The following AP3S1 variants were observed in gnomAD, a reference collection of about 807,000 sequenced individuals.
AP3S1 encodes the protein AP-3 complex subunit sigma-1.
Under a neutral mutation model 21.3 loss-of-function variants are expected in AP3S1, and 12 were observed. That is an observed-to-expected ratio of 0.56 (90% CI 0.36 to 0.91). The LOEUF (loss-of-function observed/expected upper bound fraction) is 0.91. AP3S1 is among the 40% of genes least tolerant of loss of function. The pLI is 0.01. For missense variants in AP3S1, 116 were observed against 225.0 expected (o/e 0.52, Z 3.10); for synonymous variants, 48 against 78.4 (o/e 0.61, Z 2.05).
chr5:115,898,074 G>A (rs542816876), intron 4 of AP3S1, among the ~76,000 whole-genome samples: 1 of 152,338 alleles, frequency 6.6e-6, no homozygotes, highest in African/African-American at 2.4e-5. Context: ...CACGCAGTAT[G>A]TTTATCATAT....
chr5:115,900,605 T>C (rs1178231483), intron 4 of AP3S1, among the ~76,000 whole-genome samples: 1 of 152,194 alleles, frequency 6.6e-6, no homozygotes, highest in Non-Finnish European at 1.5e-5. Context: ...AAGTTGCTCA[T>C]TGTTTTATGG....
In AP3S1 at chr5:115,913,347, T is replaced by G. The variant is rs1752246949; in HGVS notation, c.454-15T>G. 1 of 872,068 alleles carries G rather than the reference T, an allele frequency of 1.1e-6. No homozygotes were observed. The allele number at this position is 872,068 out of a possible 1,614,324, so 54.0% of individuals were successfully genotyped here. A position where few individuals can be genotyped will look rare whatever the true frequency, so the allele number is the denominator to read the frequency against. ...TTGTACATTTTCTTTTTCTTTTATTTGCTTCTGTATACAGGCTGGCTTAGC... is the reference window on the plus strand; with the variant it reads ...TTGTACATTTTCTTTTTCTTTTATTGGCTTCTGTATACAGGCTGGCTTAGC... On this transcript the variant is annotated splice_polypyrimidine_tract_variant and intron_variant, in intron 5 of 5. Transcript: ENST00000316788.
chr5:115,849,156 G>T (rs572172362), intron 1 of AP3S1, among the ~76,000 whole-genome samples: 2 of 152,286 alleles, frequency 1.3e-5, no homozygotes, highest in South Asian at 2.1e-4. Context: ...TAAGTAAGAC[G>T]GATGTCACCC....
intron 1 of AP3S1, among the ~76,000 whole-genome samples, chr5:115,851,890 TA>T (rs769672451): frequency 2.0e-5 from 3 of 152,068 alleles, no homozygotes; most frequent in Non-Finnish European, 2.9e-5. Flanking sequence ...ACCCAGAAAA[TA>T]TTTTTTTAAT....
At chr5:115,893,489 A>G (rs748634521) in intron 3 of AP3S1, among the ~76,000 whole-genome samples, 1 of 152,210 alleles carries the variant, frequency 6.6e-6, no homozygotes, top group Non-Finnish European at 1.5e-5. Flanking sequence ...ATAGTAAACT[A>G]TTAGTAGATT....
intron 2 of AP3S1, 74 bp downstream of exon 2, chr5:115,866,835 T>C (rs1480033485): frequency 1.1e-6 from 1 of 928,670 alleles, no homozygotes. Context: ...AATCAGTTTA[T>C]GGTAAAAGTT....
intron 1 of AP3S1, among the ~76,000 whole-genome samples, chr5:115,848,963 C>A (rs534919016): frequency 1.3e-5 from 2 of 152,302 alleles, no homozygotes; most frequent in African/African-American, 4.8e-5. Flanking sequence ...GTGGAGGAAG[C>A]CCTTGTAGAG....
intron 1 of AP3S1, among the ~76,000 whole-genome samples, chr5:115,861,700 A>G (rs1055960906): frequency 2.0e-5 from 3 of 151,692 alleles, no homozygotes; most frequent in Admixed American, 2.0e-4. Flanking sequence ...GACTACAGAC[A>G]TGCACTACCA....
At chr5:115,859,608 T>C (rs1462981464) in intron 1 of AP3S1, among the ~76,000 whole-genome samples, 2 of 152,234 alleles carry the variant, frequency 1.3e-5, no homozygotes, top group Non-Finnish European at 2.9e-5. Context: ...CTGTAACTAC[T>C]AGCCACATTC....
intron 3 of AP3S1, among the ~76,000 whole-genome samples, chr5:115,892,139 C>T (rs917790787): frequency 2.6e-5 from 4 of 152,118 alleles, no homozygotes; most frequent in African/African-American, 9.7e-5. Context: ...GTTAAAATGG[C>T]TTATTTGCAA....
At chr5:115,863,786 T>C (rs1309135293) in intron 1 of AP3S1, among the ~76,000 whole-genome samples, 1 of 152,094 alleles carries the variant, frequency 6.6e-6, no homozygotes, top group African/African-American at 2.4e-5. Flanking sequence ...ATAAGGAAGG[T>C]AAAGGATCTA....
intron 1 of AP3S1, among the ~76,000 whole-genome samples, chr5:115,861,564 A>T (rs1046994477): frequency 7.9e-5 from 12 of 151,976 alleles, no homozygotes; most frequent in East Asian, 7.7e-4. Flanking sequence ...TATTAAAAAA[A>T]TTTTTTTTGA....
intron 1 of AP3S1, among the ~76,000 whole-genome samples, chr5:115,857,731 G>A (rs906788704): frequency 6.6e-6 from 1 of 152,102 alleles, no homozygotes; most frequent in Non-Finnish European, 1.5e-5. Flanking sequence ...GATTTATTCT[G>A]CTATTAAAAA....
At chr5:115,890,251 C>T (rs1207521502) in intron 3 of AP3S1, among the ~76,000 whole-genome samples, 1 of 152,110 alleles carries the variant, frequency 6.6e-6, no homozygotes, top group Non-Finnish European at 1.5e-5. Flanking sequence ...CTGGAAACAA[C>T]ACAAATTTAT....
chr5:115,913,710 T>C lies in AP3S1; in HGVS notation c.*220T>C, dbSNP rs1209794118. The C allele has an allele frequency of 1.3e-6, 1 of 786,084 alleles. No homozygotes were observed. Among genetic ancestry groups the C allele is most frequent in the Non-Finnish European group, 1.9e-6 (1 of 531,482 alleles). 48.7% of individuals were successfully genotyped at this position (786,084 alleles called of 1,614,324 possible). A position where few individuals can be genotyped will look rare whatever the true frequency, so the allele number is the denominator to read the frequency against. ...AATTGAGTAGTTCCTATGTGATTTT[T>C]TTTTTTCTTTTCTAAACTGCATTCC... On this transcript the variant is annotated 3_prime_UTR_variant, in exon 6 of 6. Transcript: ENST00000316788.
chr5:115,882,210 C>T (rs759513153), intron 3 of AP3S1, among the ~76,000 whole-genome samples: 1 of 152,090 alleles, frequency 6.6e-6, no homozygotes, highest in Admixed American at 6.6e-5. Context: ...GTCAATTCAT[C>T]AAACTCATTC....
intron 3 of AP3S1, among the ~76,000 whole-genome samples, chr5:115,877,278 C>T (rs1748808353): frequency 6.6e-6 from 1 of 151,996 alleles, no homozygotes. Context: ...TGGTGGTTTC[C>T]TGCACCCATC....
At chr5:115,866,329 G>C (rs1249634583) in intron 1 of AP3S1, among the ~76,000 whole-genome samples, 1 of 152,048 alleles carries the variant, frequency 6.6e-6, no homozygotes, top group Non-Finnish European at 1.5e-5. Context: ...TTCTGATTCA[G>C]TTTACTCATT....
intron 2 of AP3S1, among the ~76,000 whole-genome samples, chr5:115,867,171 T>G (rs1454690770): frequency 2.6e-5 from 4 of 152,162 alleles, no homozygotes; most frequent in African/African-American, 9.7e-5. Flanking sequence ...ATTTATGAGA[T>G]CACACTTTGT....
Sources: allele counts gnomAD v4.1 joint callset (sites outside exome capture counted in the v4.1 genomes callset), GRCh38; gene constraint gnomAD v4.1.1; transcripts MANE v1.5; gene names NCBI Gene and HGNC (gene_info 2026-07-23, HGNC 2026-07-21).